Variants in RALGAPA1 observed in about 807,000 individuals in gnomAD.
The protein encoded by RALGAPA1 is ral GTPase-activating protein subunit alpha-1.
A neutral mutation model predicts 269.6 loss-of-function variants in RALGAPA1; 52 were observed. That is an observed-to-expected ratio of 0.19 (90% CI 0.15 to 0.24). The LOEUF is 0.24. Among genes scored for constraint, RALGAPA1 ranks in the 10% least tolerant of loss-of-function variants. The pLI is 1.00. For synonymous variants in RALGAPA1, 817 were observed against 1,008.3 expected (o/e 0.81, Z 3.60); for missense variants, 1,917 against 3,013.9 (o/e 0.64, Z 8.52).
intron 30 of RALGAPA1, among the ~76,000 whole-genome samples, chr14:35,652,169 A>G (rs1039841840): frequency 6.6e-5 from 10 of 152,178 alleles, no homozygotes; most frequent in African/African-American, 2.4e-4. Flanking sequence ...ACACACAGAA[A>G]ATATATGTTC....
At chr14:35,596,604 G>C (rs1333708272) in intron 36 of RALGAPA1, among the ~76,000 whole-genome samples, 1 of 152,046 alleles carries the variant, frequency 6.6e-6, no homozygotes, top group Non-Finnish European at 1.5e-5. Context: ...TCAAATATCA[G>C]TGTCAGTTAC....
rs533164927 is a variant in RALGAPA1, at chr14:35,663,170, G to A, written c.5328+1472C>T. On this transcript the variant is annotated intron_variant, in intron 27 of 41. Transcript: ENST00000680220. ...CCTCCCACCTTGGCTAGGATTAAAG[G>A]CATGAGCCACCATACCTGGCCTAAA... is the stretch of plus-strand genomic sequence containing the variant. Among the ~76,000 whole-genome samples the A allele has an allele frequency of 1.2e-4, 19 of 152,106 alleles. No homozygotes were observed. In the East Asian group the frequency reaches 2.5e-3, roughly 20 times the overall value.
In RALGAPA1 at chr14:35,622,443, A is replaced by G. The variant is rs1230754383; in HGVS notation, c.6929+2918T>C. Among the ~76,000 whole-genome samples the G allele has an allele frequency of 3.9e-5, 6 of 152,296 alleles. No homozygotes were observed. In the South Asian group the frequency reaches 6.2e-4, roughly 16 times the overall value. Reference sequence around the variant, plus strand: ...ATGAGTTGATGGGTGCAGAAAACCAACATGGCACATGTATACGTATGTAAC... The same window carrying G: ...ATGAGTTGATGGGTGCAGAAAACCAGCATGGCACATGTATACGTATGTAAC... On this transcript the variant is annotated intron_variant, in intron 35 of 41. Coordinates refer to ENST00000680220, the MANE Select transcript of RALGAPA1 (RefSeq NM_001346249.2).
At chr14:35,641,395 G>C (rs1387977704) in intron 31 of RALGAPA1, among the ~76,000 whole-genome samples, 2 of 152,182 alleles carry the variant, frequency 1.3e-5, no homozygotes, top group Admixed American at 1.3e-4. Flanking sequence ...GTCAAATTCA[G>C]TAAAGCTGCA....
chr14:35,671,319 G>A, intron 26 of RALGAPA1, 70 bp downstream of exon 26: 3 of 1,370,856 alleles, frequency 2.2e-6, no homozygotes, highest in Middle Eastern at 5.6e-4. Flanking sequence ...AGCTTGTTAT[G>A]TTTTATCAAC....
At chr14:35,591,993 C>T (rs961218897) in intron 37 of RALGAPA1, among the ~76,000 whole-genome samples, 1 of 152,202 alleles carries the variant, frequency 6.6e-6, no homozygotes, top group Non-Finnish European at 1.5e-5. Context: ...TGCCTTTTGC[C>T]ACGATTGTAA....
In RALGAPA1 at chr14:35,634,761, A is replaced by G. The variant is rs1323844452; in HGVS notation, c.5812-4T>C. 1 of 1,590,166 alleles carries G rather than the reference A, an allele frequency of 6.3e-7. No individual in the cohort carries two copies. Among genetic ancestry groups the G allele is most frequent in the East Asian group, 2.3e-5 (1 of 44,286 alleles). ...CATAAACACACCCATGTAAAACCTG[A>G]AAATACAGGGGGAAACACCCAGTTT... On this transcript the variant is annotated splice_polypyrimidine_tract_variant and splice_region_variant and intron_variant, in intron 32 of 41. Coordinates refer to ENST00000680220, the MANE Select transcript of RALGAPA1 (RefSeq NM_001346249.2).
intron 4 of RALGAPA1, among the ~76,000 whole-genome samples, chr14:35,769,973 C>T (rs2074491209): frequency 6.6e-6 from 1 of 152,022 alleles, no homozygotes; most frequent in African/African-American, 2.4e-5. Context: ...ATAGTAAAGC[C>T]AAATAAAGAT....
chr14:35,783,123 CTGGAGAA>C (rs1302501173), intron 1 of RALGAPA1, among the ~76,000 whole-genome samples: 1 of 152,048 alleles, frequency 6.6e-6, no homozygotes, highest in Non-Finnish European at 1.5e-5. Flanking sequence ...AAGAACAATG[CTGGAGAA>C]CTGACATTGT....
At position 35,667,375 on chromosome 14, in the gene RALGAPA1, C is replaced by T. The variant is rs1012647140; in HGVS notation, c.5203-2608G>A. 2.6e-5 allele frequency among the ~76,000 whole-genome samples: 4 copies of T among 152,172 alleles called. No individual in the cohort carries two copies. The South Asian group carries it at 6.2e-4, about 24-fold the overall frequency. ...ATCGTGCCACTGAACTCCAGTCTAG[C>T]GACAGAGCGAGACTCCATCTCAAAC... On this transcript the variant is annotated intron_variant, in intron 26 of 41. Transcript: ENST00000680220.
At chr14:35,758,213 C>T (rs1203011238) in intron 6 of RALGAPA1, among the ~76,000 whole-genome samples, 3 of 132,140 alleles carry the variant, frequency 2.3e-5, no homozygotes, top group Non-Finnish European at 1.5e-5. Flanking sequence ...CACTGCACTC[C>T]AGCCTGGGCG....
At chr14:35,719,812 T>C (rs55644018) in intron 16 of RALGAPA1, among the ~76,000 whole-genome samples, 2,751 of 151,664 alleles carry the variant, frequency 0.018, 82 homozygotes, top group African/African-American at 0.063. Flanking sequence ...CGCTCCAGGC[T>C]TGATCTCTGC....
Position 35,584,879 on chromosome 14 carries a change from TG to T in RALGAPA1, c.7209+10754del, listed in dbSNP as rs1377100321. Among the ~76,000 whole-genome samples the T allele has an allele frequency of 6.2e-4, 94 of 152,308 alleles. 1 individual carries two copies. The highest frequency in any genetic ancestry group is 2.0e-3 in the African/African-American group (83 of 41,588). ...TATTAATAATCACTTTAAGAATTAA[TG>T]TTATAAATAAACCAATTAAAAGAGA... On this transcript the variant is annotated intron_variant, in intron 37 of 41. Transcript: ENST00000680220.
intron 15 of RALGAPA1, 113 bp downstream of exon 15, chr14:35,722,914 T>C (rs1254115552): frequency 3.2e-5 from 18 of 558,224 alleles, no homozygotes; most frequent in Non-Finnish European, 5.4e-5. Context: ...TTCTTAAAAA[T>C]AAAATATTTA....
At chr14:35,766,997 GC>G in intron 4 of RALGAPA1, 1 of 369,374 alleles carries the variant, frequency 2.7e-6, no homozygotes. Context: ...TCTTACAGTA[GC>G]CAGATGGCTT....
chr14:35,551,763 G>GA (rs1303748978), intron 39 of RALGAPA1, among the ~76,000 whole-genome samples: 38 of 151,640 alleles, frequency 2.5e-4, no homozygotes, highest in Admixed American at 3.3e-4. Flanking sequence ...TTATAAAATG[G>GA]AAAAAATCCT....
chr14:35,659,111 T>C (rs756731671), intron 28 of RALGAPA1, 27 bp downstream of exon 28: 2 of 1,539,972 alleles, frequency 1.3e-6, no homozygotes, highest in African/African-American at 1.4e-5. Flanking sequence ...AAAATAGTTA[T>C]ACTCAGTCTA....
At chr14:35,746,170 T>C (rs1302562953) in intron 10 of RALGAPA1, among the ~76,000 whole-genome samples, 2 of 152,166 alleles carry the variant, frequency 1.3e-5, no homozygotes, top group African/African-American at 4.8e-5. Context: ...GAAAGACAAC[T>C]TACTGTATAA....
intron 16 of RALGAPA1, among the ~76,000 whole-genome samples, chr14:35,702,716 A>G (rs1280645908): frequency 8.9e-6 from 1 of 112,434 alleles, no homozygotes; most frequent in African/African-American, 3.1e-5. Flanking sequence ...ACCTTTAATT[A>G]AAAAAAAAAA....
Sources: allele counts gnomAD v4.1 joint callset (sites outside exome capture counted in the v4.1 genomes callset), GRCh38; gene constraint gnomAD v4.1.1; transcripts MANE v1.5; gene names NCBI Gene and HGNC (gene_info 2026-07-23, HGNC 2026-07-21).